The following AMBRA1 variants were observed in gnomAD, a reference collection of about 807,000 sequenced individuals.
AMBRA1 encodes the protein autophagy and beclin 1 regulator 1.
A neutral mutation model predicts 125.4 loss-of-function variants in AMBRA1; 47 were observed. That is an observed-to-expected ratio of 0.37 (90% CI 0.30 to 0.48). The LOEUF is 0.48. Among genes scored for constraint, AMBRA1 ranks in the 20% least tolerant of loss-of-function variants. The pLI is 0.99. For synonymous variants in AMBRA1, 626 were observed against 655.5 expected, an observed-to-expected ratio of 0.95 and a Z score of 0.69; for missense variants, 1,331 against 1,693.4, an observed-to-expected ratio of 0.79 and a Z score of 3.76.
intron 14 of AMBRA1, among the ~76,000 whole-genome samples, chr11:46,418,882 C>T (rs1946708261): frequency 6.6e-6 from 1 of 152,078 alleles, no homozygotes; most frequent in Non-Finnish European, 1.5e-5. Context: ...ACGGACTGCC[C>T]ATAACTTTCC....
intron 11 of AMBRA1, among the ~76,000 whole-genome samples, chr11:46,466,345 TAA>T (rs60898911): frequency 5.9e-4 from 81 of 136,782 alleles, no homozygotes; most frequent in African/African-American, 1.1e-3. Context: ...AGACTCTGTC[TAA>T]AAAAAAAAAA....
At chr11:46,590,866 T>C (rs376719558) in intron 1 of AMBRA1, among the ~76,000 whole-genome samples, 25 of 148,932 alleles carry the variant, frequency 1.7e-4, no homozygotes, top group African/African-American at 6.2e-4. Context: ...TGAACTGAGA[T>C]CGTGCCACTG....
intron 17 of AMBRA1, among the ~76,000 whole-genome samples, chr11:46,400,473 G>GTTTTTTTTTTTTTTTTTTTTTTTTTTTTT (rs553040136): frequency 2.0e-5 from 1 of 48,874 alleles, no homozygotes; most frequent in Admixed American, 3.0e-4. Flanking sequence ...TCTTTCTATA[G>GTTTTTTTTTTTTTTTTTTTTTTTTTTTTT]TTTTTTTTTT....
chr11:46,481,322 T>C (rs1030910079), intron 11 of AMBRA1, among the ~76,000 whole-genome samples: 1 of 152,212 alleles, frequency 6.6e-6, no homozygotes, highest in Non-Finnish European at 1.5e-5. Flanking sequence ...GGAAAGGATC[T>C]GCGACAAGGA....
chr11:46,501,070 A>T (rs1455321663), intron 9 of AMBRA1, among the ~76,000 whole-genome samples: 1 of 152,146 alleles, frequency 6.6e-6, no homozygotes, highest in African/African-American at 2.4e-5. Context: ...GTCTAGCCAC[A>T]CCTATCAACA....
chr11:46,433,646 A>C lies in AMBRA1; in HGVS notation c.2822-18T>G. 6.2e-7 allele frequency: 1 copy of C among 1,607,896 alleles called. No individual in the cohort carries two copies. The highest frequency in any genetic ancestry group is 8.5e-7 in the Non-Finnish European group (1 of 1,175,170). On this transcript the variant is annotated intron_variant, in intron 13 of 17. Coordinates refer to ENST00000683756, the MANE Select transcript of AMBRA1 (RefSeq NM_001387011.1). ...ATTGGGACCTGAGGGCCAACAAAAC[A>C]GAGAAATATTTCCTAGGCTTCTGGC...
rs776187555 is a variant in AMBRA1, at chr11:46,592,427, T to C, written c.-121+1401A>G. ...TGAATGATTTCTACACACAGCCTTTTTTAGCTTTTGTATGTGCAGTGACCA... is the reference window on the plus strand; with the variant it reads ...TGAATGATTTCTACACACAGCCTTTCTTAGCTTTTGTATGTGCAGTGACCA... On this transcript the variant is annotated intron_variant, in intron 1 of 17. Transcript: ENST00000683756. Among the ~76,000 whole-genome samples the C allele has an allele frequency of 5.4e-4, 82 of 152,112 alleles. 2 individuals are homozygous for C. The highest frequency in any genetic ancestry group is 2.2e-4 in the Non-Finnish European group (15 of 68,028).
intron 11 of AMBRA1, among the ~76,000 whole-genome samples, chr11:46,468,964 CA>C (rs1294663339): frequency 6.6e-6 from 1 of 151,644 alleles, no homozygotes; most frequent in Non-Finnish European, 1.5e-5. Flanking sequence ...ACCAACATGG[CA>C]AAACCCCGTC....
chr11:46,594,005 G>T lies in AMBRA1; in HGVS notation c.-298C>A, dbSNP rs1455107570. ...CTCGACCCGGCGCCGCCGCCGCTCA[G>T]GAGACATCAAGCAAGAAGACGGCGC... On this transcript the variant is annotated 5_prime_UTR_variant, in exon 1 of 18. In the 5' UTR this introduces an upstream ATG that the reference lacks. Coordinates refer to ENST00000683756, the MANE Select transcript of AMBRA1 (RefSeq NM_001387011.1). 2.5e-6 allele frequency: 1 copy of T among 398,582 alleles called. No homozygotes were observed. Among genetic ancestry groups the T allele is most frequent in the African/African-American group, 2.1e-5 (1 of 48,650 alleles). 24.7% of individuals were successfully genotyped at this position (398,582 alleles called of 1,614,324 possible).
At chr11:46,510,639 G>A (rs1951222073) in intron 8 of AMBRA1, among the ~76,000 whole-genome samples, 1 of 152,114 alleles carries the variant, frequency 6.6e-6, no homozygotes, top group African/African-American at 2.4e-5. Context: ...TTTTTATGTA[G>A]GGACATAGGA....
chr11:46,436,406 G>C (rs916046395), intron 12 of AMBRA1, among the ~76,000 whole-genome samples: 3 of 146,866 alleles, frequency 2.0e-5, no homozygotes, highest in Non-Finnish European at 4.7e-5. Context: ...GTGCCAACTC[G>C]GGGGCTGACA....
chr11:46,494,328 C>G, intron 9 of AMBRA1, 124 bp from the exon 10 acceptor site: 1 of 710,626 alleles, frequency 1.4e-6, no homozygotes, highest in Non-Finnish European at 2.4e-6. Context: ...ATAAATTAGT[C>G]ATCTGGCTGC....
At chr11:46,592,213 G>A (rs1485662960) in intron 1 of AMBRA1, among the ~76,000 whole-genome samples, 3 of 152,064 alleles carry the variant, frequency 2.0e-5, no homozygotes, top group Non-Finnish European at 4.4e-5. Flanking sequence ...GGGATTACAG[G>A]AGTGAGCCAC....
intron 16 of AMBRA1, among the ~76,000 whole-genome samples, chr11:46,409,555 C>G (rs1009004242): frequency 3.9e-5 from 6 of 152,186 alleles, no homozygotes; most frequent in African/African-American, 1.4e-4. Flanking sequence ...CTTCTGAAAA[C>G]AGACCCTTGC....
chr11:46,537,621 G>A (rs1952539896), intron 7 of AMBRA1, among the ~76,000 whole-genome samples: 2 of 152,188 alleles, frequency 1.3e-5, no homozygotes, highest in African/African-American at 4.8e-5. Context: ...AAGTTGCAAT[G>A]TAGCGTCAGA....
chr11:46,408,365 GA>G, intron 17 of AMBRA1, 147 bp downstream of exon 17: 1 of 799,442 alleles, frequency 1.3e-6, no homozygotes, highest in Non-Finnish European at 1.8e-6. Flanking sequence ...CCAGCTCAGG[GA>G]AACCATGTCG....
Position 46,428,101 on chromosome 11 carries a change from G to A in AMBRA1, c.2976+5373C>T, listed in dbSNP as rs940692602. Among the ~76,000 whole-genome samples, 6 of 151,304 alleles carry A rather than the reference G, an allele frequency of 4.0e-5. No individual in the cohort carries two copies. The South Asian group carries it at 6.3e-4, about 16-fold the overall frequency. On this transcript the variant is annotated intron_variant, in intron 14 of 17. Coordinates refer to ENST00000683756, the MANE Select transcript of AMBRA1 (RefSeq NM_001387011.1). ...GGTGAGGGGGAGGCATATTGCTAGC[G>A]CTCTAGAGGGAGAAGGGGTATAAAG... is the stretch of plus-strand genomic sequence containing the variant.
At chr11:46,581,797 C>CAAAAA (rs1162857231) in intron 1 of AMBRA1, among the ~76,000 whole-genome samples, 3 of 69,948 alleles carry the variant, frequency 4.3e-5, no homozygotes, top group South Asian at 4.8e-4. Flanking sequence ...AAAACTCCAT[C>CAAAAA]AAAAAAAAAA....
At chr11:46,549,942 C>A (rs373486110) in intron 1 of AMBRA1, among the ~76,000 whole-genome samples, 2 of 152,152 alleles carry the variant, frequency 1.3e-5, no homozygotes. Context: ...CCTCAGCCTC[C>A]GGAGTAGCTG....
Sources: gnomAD v4.1 joint callset for allele counts (sites outside exome capture counted in the v4.1 genomes callset) on GRCh38, gnomAD v4.1.1 for gene constraint, MANE v1.5 for transcripts, NCBI Gene and HGNC (gene_info 2026-07-23, HGNC 2026-07-21) for gene names.